FANCB: variants seen among roughly 807,000 people sequenced by gnomAD.
FANCB encodes the protein Fanconi anemia group B protein.
Under a neutral mutation model 38.9 loss-of-function variants are expected in FANCB, and 5 were observed. The observed-to-expected ratio is 0.13, with a 90% CI of 0.07 to 0.27. The LOEUF (loss-of-function observed/expected upper bound fraction) is 0.27, where lower values mean the gene tolerates loss of function less well. FANCB is among the 10% of genes least tolerant of loss of function. The pLI, the probability that FANCB is intolerant of heterozygous loss-of-function variation, is 1.00. For synonymous variants in FANCB, 236 were observed against 215.4 expected (o/e 1.10, Z -0.84); for missense variants, 573 against 602.7 (o/e 0.95, Z 0.52).
the FANCB span, among the ~76,000 whole-genome samples, chrX:14,769,747 T>A: frequency 8.9e-6 from 1 of 111,865 alleles, no homozygotes; most frequent in Non-Finnish European, 1.9e-5. Context: ...GTTGAGATAT[T>A]AGGTTAACTT....
chrX:14,808,032 C>G, the FANCB span, among the ~76,000 whole-genome samples: 1 of 111,545 alleles, frequency 9.0e-6, no homozygotes, highest in African/African-American at 3.3e-5. Flanking sequence ...AAATCCAAAA[C>G]TTGAACAGAT....
At chrX:14,767,812 T>G in the FANCB span, among the ~76,000 whole-genome samples, 1 of 112,587 alleles carries the variant, frequency 8.9e-6, no homozygotes, top group Non-Finnish European at 1.9e-5. Flanking sequence ...AATTTTATAG[T>G]TTTGGATTTT....
downstream of FANCB, among the ~76,000 whole-genome samples, chrX:14,842,820 AAGAG>A (rs1485749578): frequency 2.7e-5 from 3 of 111,918 alleles, no homozygotes; most frequent in Non-Finnish European, 5.6e-5. Flanking sequence ...AGCCTTTTGA[AAGAG>A]AGATGCTTTT....
At chrX:14,722,689 G>T in the FANCB span, among the ~76,000 whole-genome samples, 1 of 111,721 alleles carries the variant, frequency 9.0e-6, no homozygotes, top group Non-Finnish European at 1.9e-5. Flanking sequence ...AGAGGAGAAA[G>T]AAGTGGGAAC....
chrX:14,809,850 G>T, the FANCB span, among the ~76,000 whole-genome samples: 1 of 112,530 alleles, frequency 8.9e-6, no homozygotes. Context: ...GCACGCAGCT[G>T]GAGATCTGAG....
the FANCB span, among the ~76,000 whole-genome samples, chrX:14,796,929 C>T: frequency 1.8e-5 from 2 of 110,268 alleles, no homozygotes; most frequent in African/African-American, 6.6e-5. Context: ...GTTCTAAGGT[C>T]GGAAAAGACC....
At chrX:14,712,539 G>A in the FANCB span, among the ~76,000 whole-genome samples, 1 of 110,198 alleles carries the variant, frequency 9.1e-6, no homozygotes, top group Non-Finnish European at 1.9e-5. Flanking sequence ...TTGCATTAAA[G>A]TGGCGTTTTG....
At chrX:14,835,694 G>T (rs1312690394), downstream of FANCB, among the ~76,000 whole-genome samples, 1 of 111,783 alleles carries the variant, frequency 8.9e-6, no homozygotes, top group African/African-American at 3.3e-5. Context: ...TCAAAAGGCT[G>T]CCCAGGGTCT....
At chrX:14,773,968 A>G in the FANCB span, among the ~76,000 whole-genome samples, 1 of 111,670 alleles carries the variant, frequency 9.0e-6, no homozygotes, top group East Asian at 2.8e-4. Context: ...TATATTTCAC[A>G]GGACCCACCC....
At chrX:14,779,304 G>T in the FANCB span, among the ~76,000 whole-genome samples, 1 of 112,431 alleles carries the variant, frequency 8.9e-6, no homozygotes, top group Non-Finnish European at 1.9e-5. Flanking sequence ...GAGATATCTT[G>T]CAGGGCCAGG....
chrX:14,823,362 G>A, the FANCB span, among the ~76,000 whole-genome samples: 4 of 111,407 alleles, frequency 3.6e-5, no homozygotes, highest in African/African-American at 9.8e-5. Context: ...GATTGCAGGC[G>A]TGAGCCACTG....
the FANCB span, among the ~76,000 whole-genome samples, chrX:14,826,751 T>C: frequency 1.8e-5 from 2 of 112,437 alleles, no homozygotes; most frequent in Non-Finnish European, 3.8e-5. Flanking sequence ...TTTTAACTTA[T>C]GTTGTTGTTT....
chrX:14,840,735 T>C (rs868171514), downstream of FANCB, among the ~76,000 whole-genome samples: 6 of 111,605 alleles, frequency 5.4e-5, no homozygotes, highest in Non-Finnish European at 1.1e-4. Flanking sequence ...TGTGGGGAAA[T>C]GAATAATTTA....
chrX:14,853,528 T>A (rs755639062), intron 5 of FANCB, among the ~76,000 whole-genome samples: 2 of 112,097 alleles, frequency 1.8e-5, no homozygotes, highest in South Asian at 7.3e-4. Context: ...AACTTTTTCT[T>A]TTTGAAATAG....
At chrX:14,754,454 A>C in the FANCB span, among the ~76,000 whole-genome samples, 1 of 112,370 alleles carries the variant, frequency 8.9e-6, no homozygotes, top group East Asian at 2.8e-4. Flanking sequence ...TTAAGATGAA[A>C]ATCTATTACG....
At chrX:14,858,501 T>C (rs1390332875) in intron 4 of FANCB, among the ~76,000 whole-genome samples, 2 of 111,915 alleles carry the variant, frequency 1.8e-5, no homozygotes. Context: ...CTAACATTTA[T>C]ATACTGCTTT....
the FANCB span, among the ~76,000 whole-genome samples, chrX:14,733,676 T>C: frequency 8.9e-6 from 1 of 112,300 alleles, no homozygotes. Context: ...TTATCTATTA[T>C]TGATGTATAG....
the FANCB span, among the ~76,000 whole-genome samples, chrX:14,810,090 C>T: frequency 7.1e-5 from 8 of 112,129 alleles, no homozygotes; most frequent in African/African-American, 9.7e-5. Context: ...CTCCAACAGA[C>T]GTGCAGCTGA....
chrX:14,827,591 T>C, the FANCB span, among the ~76,000 whole-genome samples: 2 of 111,782 alleles, frequency 1.8e-5, no homozygotes, highest in Admixed American at 1.9e-4. Flanking sequence ...GAAGCCACAG[T>C]GATGAACCAG....
Sources: allele counts gnomAD v4.1 joint callset (sites outside exome capture counted in the v4.1 genomes callset), GRCh38; gene constraint gnomAD v4.1.1; transcripts MANE v1.5; gene names NCBI Gene and HGNC (gene_info 2026-07-23, HGNC 2026-07-21).